The following DIAPH2 variants were observed in gnomAD, a reference collection of about 807,000 sequenced individuals.
DIAPH2 encodes protein diaphanous homolog 2.
DIAPH2 carries 35 observed loss-of-function variants against 92.7 expected under a neutral mutation model. The ratio of observed to expected loss-of-function variants is 0.38; its 90% CI spans 0.29 to 0.50. DIAPH2 has a LOEUF of 0.50. Among genes scored for constraint, DIAPH2 ranks in the 20% least tolerant of loss-of-function variants. The pLI is 0.94. For missense variants in DIAPH2, 701 were observed against 819.5 expected (o/e 0.86, Z 1.77); for synonymous variants, 301 against 280.4 (o/e 1.07, Z -0.73).
rs774825389 is a variant in DIAPH2, at chrX:97,518,392, A to T, written c.3242-80861A>T. 1.3e-4 allele frequency among the ~76,000 whole-genome samples: 15 copies of T among 111,202 alleles called. No homozygotes were observed. In the East Asian group the frequency reaches 4.2e-3, roughly 31 times the overall value. ...CGTAGGATTATGTTGAAAAATCAGG[A>T]TGGGGAAGAATCCCCAGAAGAGCTT... On this transcript the variant is annotated intron_variant, in intron 26 of 26. Coordinates refer to ENST00000324765, the MANE Select transcript of DIAPH2 (RefSeq NM_006729.5).
Position 96,684,882 on chromosome X carries a change from G to A in DIAPH2, c.-177G>A, listed in dbSNP as rs2063762469. 3 of 491,762 alleles carry A rather than the reference G, an allele frequency of 6.1e-6. No individual in the cohort carries two copies. The South Asian group carries it at 3.7e-4, about 60-fold the overall frequency. 40.5% of individuals were successfully genotyped at this position (491,762 alleles called of 1,213,427 possible). A position where few individuals can be genotyped will look rare whatever the true frequency, so the allele number is the denominator to read the frequency against. On this transcript the variant is annotated 5_prime_UTR_variant, in exon 1 of 27. Coordinates refer to ENST00000324765, the MANE Select transcript of DIAPH2 (RefSeq NM_006729.5). ...AGTGGCAACGGCGTGGTTGCGTCGGGGGTGCCTGGGAGCCTGGAGTCCCGG... is the reference window on the plus strand; with the variant it reads ...AGTGGCAACGGCGTGGTTGCGTCGGAGGTGCCTGGGAGCCTGGAGTCCCGG...
At chrX:96,777,368 G>C (rs1388806307) in intron 4 of DIAPH2, among the ~76,000 whole-genome samples, 1 of 111,718 alleles carries the variant, frequency 9.0e-6, no homozygotes, top group Admixed American at 9.6e-5. Context: ...TCTCAGATTA[G>C]TAATTATAAT....
At chrX:97,047,829 T>C (rs1053308522) in intron 17 of DIAPH2, among the ~76,000 whole-genome samples, 11 of 110,224 alleles carry the variant, frequency 1.0e-4, no homozygotes, top group African/African-American at 3.6e-4. Context: ...GGAAATTGTA[T>C]CTTAGCTTTT....
At chrX:96,756,190 T>C (rs1052506131) in intron 3 of DIAPH2, among the ~76,000 whole-genome samples, 1 of 111,156 alleles carries the variant, frequency 9.0e-6, no homozygotes, top group African/African-American at 3.3e-5. Context: ...TTTTTGTATA[T>C]TCAAAGAGTG....
At chrX:97,390,058 G>A (rs1211059324) in intron 25 of DIAPH2, among the ~76,000 whole-genome samples, 2 of 110,355 alleles carry the variant, frequency 1.8e-5, no homozygotes, top group African/African-American at 6.6e-5. Flanking sequence ...CTATAATCTT[G>A]TAACAGGGTC....
chrX:97,419,773 T>C (rs749904331), intron 25 of DIAPH2, among the ~76,000 whole-genome samples: 6 of 112,334 alleles, frequency 5.3e-5, no homozygotes, highest in Non-Finnish European at 1.1e-4. Context: ...ATTATTAATA[T>C]TCCTACCTCC....
intron 17 of DIAPH2, among the ~76,000 whole-genome samples, chrX:96,971,974 G>A (rs2065930735): frequency 9.0e-6 from 1 of 111,725 alleles, no homozygotes. Context: ...GATTCATACT[G>A]TGGTCAATAG....
At chrX:97,376,234 A>G (rs1430899061) in intron 24 of DIAPH2, among the ~76,000 whole-genome samples, 1 of 111,732 alleles carries the variant, frequency 8.9e-6, no homozygotes, top group Non-Finnish European at 1.9e-5. Flanking sequence ...AAAATAGCAA[A>G]TTATTCTATG....
At chrX:97,341,612 T>C (rs896653731) in intron 23 of DIAPH2, among the ~76,000 whole-genome samples, 2 of 110,746 alleles carry the variant, frequency 1.8e-5, no homozygotes, top group Non-Finnish European at 3.8e-5. Context: ...AAACTGATGG[T>C]ATAGTTCCAA....
intron 17 of DIAPH2, among the ~76,000 whole-genome samples, chrX:96,972,438 AAC>A (rs986056859): frequency 1.3e-4 from 15 of 112,015 alleles, no homozygotes; most frequent in Non-Finnish European, 1.9e-5. Flanking sequence ...TTTATTTAAA[AAC>A]AGATTATTTC....
intron 23 of DIAPH2, among the ~76,000 whole-genome samples, chrX:97,258,859 A>G (rs1172112002): frequency 1.3e-5 from 1 of 75,969 alleles, no homozygotes; most frequent in African/African-American, 5.1e-5. Context: ...CGACAGAGCG[A>G]GACTCCGTCT....
intron 26 of DIAPH2, among the ~76,000 whole-genome samples, chrX:97,512,183 C>G (rs1391457879): frequency 8.9e-6 from 1 of 112,830 alleles, no homozygotes; most frequent in Admixed American, 9.2e-5. Flanking sequence ...GCCACAATTT[C>G]AGAGACTCTT....
chrX:96,858,026 TC>T (rs965271177), intron 4 of DIAPH2, among the ~76,000 whole-genome samples: 27 of 112,567 alleles, frequency 2.4e-4, no homozygotes, highest in African/African-American at 8.7e-4. Context: ...TATTCTTAAA[TC>T]AAAGTAAATA....
intron 5 of DIAPH2, among the ~76,000 whole-genome samples, chrX:96,901,316 T>A (rs1314278016): frequency 1.8e-5 from 2 of 109,817 alleles, no homozygotes; most frequent in East Asian, 5.7e-4. Context: ...TGTCTCCAGT[T>A]TCATTTCTAA....
intron 22 of DIAPH2, among the ~76,000 whole-genome samples, chrX:97,184,305 C>T (rs748192620): frequency 4.5e-5 from 5 of 111,913 alleles, no homozygotes; most frequent in Non-Finnish European, 7.5e-5. Context: ...TGGTTATGTT[C>T]GTCACTTATC....
At chrX:97,594,972 G>A (rs953581035) in intron 26 of DIAPH2, among the ~76,000 whole-genome samples, 2 of 110,872 alleles carry the variant, frequency 1.8e-5, no homozygotes, top group Admixed American at 9.6e-5. Flanking sequence ...CAAGTTTACC[G>A]CCTCATGCCA....
intron 17 of DIAPH2, among the ~76,000 whole-genome samples, chrX:97,007,770 T>C (rs1185510587): frequency 4.1e-5 from 4 of 97,827 alleles, no homozygotes; most frequent in East Asian, 3.1e-4. Flanking sequence ...TCTTTTTTTT[T>C]TTTTTTTTTT....
Position 96,751,410 on chromosome X carries a change from A to T in DIAPH2, c.343-6744A>T, listed in dbSNP as rs1015743003. On this transcript the variant is annotated intron_variant, in intron 3 of 26. Coordinates refer to ENST00000324765, the MANE Select transcript of DIAPH2 (RefSeq NM_006729.5). ...GCTAACACGGTGAAACCCAGTCTCT[A>T]CTAAAAATACAAAAAATTAGCCGAG... is the stretch of plus-strand genomic sequence containing the variant. Among the ~76,000 whole-genome samples the T allele has an allele frequency of 3.0e-4, 32 of 105,410 alleles. No homozygotes were observed. The Admixed American group carries it at 3.1e-3, about 10-fold the overall frequency. 91.5% of individuals were successfully genotyped at this position (105,410 alleles called of 115,157 possible).
chrX:97,531,559 G>A (rs963122420), intron 26 of DIAPH2, among the ~76,000 whole-genome samples: 2 of 111,966 alleles, frequency 1.8e-5, no homozygotes, highest in East Asian at 2.8e-4. Context: ...AAAATTAAAT[G>A]TATATATGCT....
Sources: gnomAD v4.1 joint callset for allele counts (sites outside exome capture counted in the v4.1 genomes callset) on GRCh38, gnomAD v4.1.1 for gene constraint, MANE v1.5 for transcripts, NCBI Gene and HGNC (gene_info 2026-07-23, HGNC 2026-07-21) for gene names.